The following ZBTB20 variants were observed in gnomAD, a reference collection of about 807,000 sequenced individuals.
The protein encoded by ZBTB20 is zinc finger and BTB domain-containing protein 20.
ZBTB20 carries 9 observed loss-of-function variants against 56.9 expected under a neutral mutation model. That is an observed-to-expected ratio of 0.16 (90% CI 0.10 to 0.28). The LOEUF is 0.28. Among genes scored for constraint, ZBTB20 ranks in the 10% least tolerant of loss-of-function variants. The pLI, the probability that ZBTB20 is intolerant of heterozygous loss-of-function variation, is 1.00. For synonymous variants in ZBTB20, 417 were observed against 420.7 expected (o/e 0.99, Z 0.11); for missense variants, 655 against 1,003.0 (o/e 0.65, Z 4.69).
intron 6 of ZBTB20, among the ~76,000 whole-genome samples, chr3:114,653,087 C>T (rs1317836418): frequency 6.6e-6 from 1 of 151,860 alleles, no homozygotes; most frequent in Non-Finnish European, 1.5e-5. Context: ...TGAATAAACA[C>T]AATGTTACTT....
intron 7 of ZBTB20, among the ~76,000 whole-genome samples, chr3:114,434,433 T>A (rs2090355880): frequency 6.6e-6 from 1 of 152,062 alleles, no homozygotes; most frequent in Non-Finnish European, 1.5e-5. Flanking sequence ...AATTTGAATG[T>A]CCTGGCTTCT....
chr3:114,519,154 A>G (rs1168469380), intron 6 of ZBTB20: 2 of 152,196 alleles, frequency 1.3e-5, no homozygotes, highest in African/African-American at 4.8e-5. Context: ...GAGAGAGCCA[A>G]TTTTGCCTTT....
At chr3:114,690,584 AAATATTTTT>A (rs1350041557) in intron 6 of ZBTB20, among the ~76,000 whole-genome samples, 6 of 152,168 alleles carry the variant, frequency 3.9e-5, no homozygotes, top group Non-Finnish European at 8.8e-5. Context: ...AGAGGGTTCT[AAATATTTTT>A]AGAATAAACT....
At chr3:114,736,651 A>G (rs1165727707) in intron 5 of ZBTB20, among the ~76,000 whole-genome samples, 1 of 152,148 alleles carries the variant, frequency 6.6e-6, no homozygotes, top group Non-Finnish European at 1.5e-5. Context: ...GGTTATCAAA[A>G]TTGGGCATAA....
At chr3:114,893,175 C>A (rs1278835295) in intron 4 of ZBTB20, among the ~76,000 whole-genome samples, 1 of 152,128 alleles carries the variant, frequency 6.6e-6, no homozygotes, top group African/African-American at 2.4e-5. Flanking sequence ...GCCACCAGAA[C>A]TCAGCTCATG....
intron 5 of ZBTB20, among the ~76,000 whole-genome samples, chr3:114,774,447 C>T (rs1157650872): frequency 3.3e-5 from 5 of 152,098 alleles, no homozygotes; most frequent in Non-Finnish European, 7.4e-5. Context: ...GAAATGGCCA[C>T]GTGAGAAAAT....
At position 115,064,913 on chromosome 3, in the gene ZBTB20, T is replaced by C. The variant is rs562094753; in HGVS notation, c.-507+6306A>G. ...CTGTTATTTTGAAATTTTCCAATTATGCATCTTGGTGTGGAATTGCTTTCA... is the reference window on the plus strand; with the variant it reads ...CTGTTATTTTGAAATTTTCCAATTACGCATCTTGGTGTGGAATTGCTTTCA... On this transcript the variant is annotated intron_variant, in intron 2 of 11. Transcript: ENST00000675478. Among the ~76,000 whole-genome samples the C allele has an allele frequency of 1.1e-4, 16 of 152,340 alleles. No individual in the cohort carries two copies. The South Asian group carries it at 2.7e-3, about 26-fold the overall frequency.
At chr3:114,798,642 T>C (rs1178227801) in intron 5 of ZBTB20, among the ~76,000 whole-genome samples, 1 of 151,992 alleles carries the variant, frequency 6.6e-6, no homozygotes, top group African/African-American at 2.4e-5. Flanking sequence ...TGTGCCTCAA[T>C]TTGCTTATTT....
At chr3:114,408,224 G>T (rs1422883007) in intron 7 of ZBTB20, among the ~76,000 whole-genome samples, 1 of 152,158 alleles carries the variant, frequency 6.6e-6, no homozygotes, top group Admixed American at 6.5e-5. Context: ...TGTAAGTACT[G>T]AGTTTGCTTG....
At chr3:114,609,576 T>G (rs1026068275) in intron 6 of ZBTB20, among the ~76,000 whole-genome samples, 3 of 152,192 alleles carry the variant, frequency 2.0e-5, no homozygotes, top group African/African-American at 4.8e-5. Flanking sequence ...CATATTGAGA[T>G]GATGAAGACC....
intron 4 of ZBTB20, among the ~76,000 whole-genome samples, chr3:114,885,955 A>T (rs1186027670): frequency 6.6e-6 from 1 of 152,218 alleles, no homozygotes; most frequent in Non-Finnish European, 1.5e-5. Flanking sequence ...ATGTTGGCTT[A>T]TTGAGCATTC....
chr3:114,598,498 A>G (rs1192132298), intron 6 of ZBTB20, among the ~76,000 whole-genome samples: 1 of 151,994 alleles, frequency 6.6e-6, no homozygotes, highest in South Asian at 2.1e-4. Flanking sequence ...GTATACATAT[A>G]TACACATATT....
At position 114,316,494 on chromosome 3, in the gene ZBTB20, G is replaced by T. The variant is rs1342215591; in HGVS notation, c.*22511C>A. 1.9e-6 allele frequency: 1 copy of T among 519,584 alleles called. No individual in the cohort carries two copies. Among genetic ancestry groups the T allele is most frequent in the South Asian group, 1.4e-5 (1 of 69,522 alleles). 32.2% of individuals were successfully genotyped at this position (519,584 alleles called of 1,614,324 possible). ...TATGCACATATACACACCTATACATGTATAATATATACACTATATATATGT... is the reference window on the plus strand; with the variant it reads ...TATGCACATATACACACCTATACATTTATAATATATACACTATATATATGT... On this transcript the variant is annotated 3_prime_UTR_variant, in exon 12 of 12. Coordinates refer to ENST00000675478, the MANE Select transcript of ZBTB20 (RefSeq NM_001348800.3).
In ZBTB20 at chr3:114,817,458, C is replaced by T. The variant is rs190613298; in HGVS notation, c.-416-16284G>A. On this transcript the variant is annotated intron_variant, in intron 4 of 11. Transcript: ENST00000675478. ...ACTTGAACCTGGGAGGCGGAGGTTGCGGTGAGCTGAGATCACACTATTGCA... is the reference window on the plus strand; with the variant it reads ...ACTTGAACCTGGGAGGCGGAGGTTGTGGTGAGCTGAGATCACACTATTGCA... 1.4e-3 allele frequency among the ~76,000 whole-genome samples: 213 copies of T among 151,638 alleles called. 1 individual carries two copies. Among genetic ancestry groups the T allele is most frequent in the South Asian group, 5.4e-3 (26 of 4,802 alleles).
At chr3:114,773,181 T>C (rs1002868695) in intron 5 of ZBTB20, among the ~76,000 whole-genome samples, 2 of 152,126 alleles carry the variant, frequency 1.3e-5, no homozygotes, top group Non-Finnish European at 2.9e-5. Context: ...CAGTTAAGAA[T>C]CCAGCCGACA....
chr3:114,815,348 C>G (rs2072839952), intron 4 of ZBTB20, among the ~76,000 whole-genome samples: 1 of 152,040 alleles, frequency 6.6e-6, no homozygotes, highest in African/African-American at 2.4e-5. Context: ...AAACAGTACA[C>G]TGAAAATATA....
At chr3:115,145,816 T>C (rs528742994) in intron 1 of ZBTB20, among the ~76,000 whole-genome samples, 147 of 152,330 alleles carry the variant, frequency 9.7e-4, no homozygotes, top group African/African-American at 3.3e-3. Flanking sequence ...TTAAATTTAG[T>C]GTCTACAGCT....
intron 5 of ZBTB20, among the ~76,000 whole-genome samples, chr3:114,744,777 T>G (rs544040621): frequency 6.6e-6 from 1 of 152,286 alleles, no homozygotes; most frequent in East Asian, 1.9e-4. Context: ...AATTTTTCAA[T>G]AATGCTGGTA....
At chr3:114,906,687 T>C (rs903653577) in intron 3 of ZBTB20, among the ~76,000 whole-genome samples, 3 of 151,646 alleles carry the variant, frequency 2.0e-5, no homozygotes, top group South Asian at 4.1e-4. Context: ...TATTGATTAG[T>C]TCCTTTACCT....
Sources: allele counts gnomAD v4.1 joint callset (sites outside exome capture counted in the v4.1 genomes callset), GRCh38; gene constraint gnomAD v4.1.1; transcripts MANE v1.5; gene names NCBI Gene and HGNC (gene_info 2026-07-23, HGNC 2026-07-21).